SPACA9: variants seen among roughly 807,000 people sequenced by gnomAD.
SPACA9 encodes the protein sperm acrosome associated 9.
A neutral mutation model predicts 12.5 loss-of-function variants in SPACA9; 14 were observed. The ratio of observed to expected loss-of-function variants is 1.12; its 90% confidence interval spans 0.74 to 1.75. SPACA9 has a LOEUF of 1.75. Ranked by LOEUF, SPACA9 falls within the 40% of genes most tolerant of loss-of-function variation. The probability of loss-of-function intolerance (pLI) is 0.00; values close to 1 mark genes in which losing one functional copy is unlikely to be tolerated. For synonymous variants in SPACA9, 111 were observed against 114.1 expected, an observed-to-expected ratio of 0.97 and a Z score of 0.17; for missense variants, 292 against 291.9, an observed-to-expected ratio of 1.00 and a Z score of 0.00.
At chr9:132,879,851 T>C (rs58616024) in intron 1 of SPACA9, among the ~76,000 whole-genome samples, 1,985 of 152,334 alleles carry the variant, frequency 0.013, 43 homozygotes, top group African/African-American at 0.044. Context: ...CTGGTTAGAT[T>C]GGGCAGAGCC....
intron 1 of SPACA9, among the ~76,000 whole-genome samples, chr9:132,880,207 A>G (rs1417286475): frequency 6.6e-6 from 1 of 152,194 alleles, no homozygotes; most frequent in Non-Finnish European, 1.5e-5. Flanking sequence ...CTTCTTTAGC[A>G]GCCTGGAAAA....
chr9:132,889,750 G>A lies in SPACA9; in HGVS notation c.*1139G>A. The A allele has an allele frequency of 7.9e-7, 1 of 1,259,018 alleles. No individual in the cohort carries two copies. Among genetic ancestry groups the A allele is most frequent in the African/African-American group, 1.5e-5 (1 of 65,102 alleles). The allele number at this position is 1,259,018 out of a possible 1,614,324, so 78.0% of individuals were successfully genotyped here. On this transcript the variant is annotated 3_prime_UTR_variant, in exon 4 of 4. Transcript: ENST00000356311. ...AGTGTGTTTAGTTCTCTGGACCACA[G>A]CCAAAGGGGAATAAACTCACCTTTC...
chr9:132,880,017 C>G (rs1341265676), intron 1 of SPACA9, among the ~76,000 whole-genome samples: 1 of 152,204 alleles, frequency 6.6e-6, no homozygotes, highest in Non-Finnish European at 1.5e-5. Context: ...CTTGTCAAAC[C>G]CAACTGTAAA....
At position 132,889,316 on chromosome 9, in the gene SPACA9, G is replaced by A. The variant is rs1157819811; in HGVS notation, c.*705G>A. The A allele has an allele frequency of 1.7e-5, 17 of 985,522 alleles. No individual in the cohort carries two copies. Among genetic ancestry groups the A allele is most frequent in the Non-Finnish European group, 1.9e-5 (16 of 830,118 alleles). The allele number at this position is 985,522 out of a possible 1,614,324, so 61.0% of individuals were successfully genotyped here. A position where few individuals can be genotyped will look rare whatever the true frequency, so the allele number is the denominator to read the frequency against. On this transcript the variant is annotated 3_prime_UTR_variant, in exon 4 of 4. Coordinates refer to ENST00000356311, the MANE Select transcript of SPACA9 (RefSeq NM_001316897.2). ...CCATCTGCTCCTTGCCCCACCACCA[G>A]CCCCAACTGTAGGCAAGGCACACGC...
At chr9:132,885,063 A>G (rs1341873877) in intron 2 of SPACA9, among the ~76,000 whole-genome samples, 1 of 152,060 alleles carries the variant, frequency 6.6e-6, no homozygotes, top group Admixed American at 6.6e-5. Context: ...CAGTGAGCCG[A>G]TATTGCGCCA....
intron 1 of SPACA9, among the ~76,000 whole-genome samples, chr9:132,883,499 G>GGCGTGTGTGTACACGCGT (rs999110974): frequency 4.6e-5 from 7 of 152,292 alleles, no homozygotes; most frequent in African/African-American, 1.7e-4. Flanking sequence ...GGGATTGGAG[G>GGCGTGTGTGTACACGCGT]GCGTGTGTGT....
intron 1 of SPACA9, among the ~76,000 whole-genome samples, chr9:132,883,285 G>A (rs1358357403): frequency 2.6e-5 from 4 of 152,214 alleles, no homozygotes; most frequent in African/African-American, 4.8e-5. Context: ...CCTGCCCCCA[G>A]CCCAGAGCAG....
intron 2 of SPACA9, among the ~76,000 whole-genome samples, chr9:132,885,620 C>G (rs942221896): frequency 6.6e-6 from 1 of 152,118 alleles, no homozygotes; most frequent in Non-Finnish European, 1.5e-5. Flanking sequence ...GCCATATTTG[C>G]CCACGCATGC....
At position 132,888,241 on chromosome 9, in the gene SPACA9, T is replaced by C; in HGVS notation, c.348-49T>C. On this transcript the variant is annotated intron_variant, in intron 3 of 3. Coordinates refer to ENST00000356311, the MANE Select transcript of SPACA9 (RefSeq NM_001316897.2). This position sits in a 1 kb window ranked among gnomAD's most constrained non-coding sequence, Gnocchi z 5.0. ...GGTGTGGCAGCTGCTTGCCACGGCA[T>C]GGCAAGTCCCGGGAGCATGGGTTCA... The C allele has an allele frequency of 1.3e-6, 2 of 1,555,460 alleles. No individual in the cohort carries two copies. The highest frequency in any genetic ancestry group is 1.4e-5 in the African/African-American group (1 of 73,524).
At position 132,888,250 on chromosome 9, in the gene SPACA9, C is replaced by A; in HGVS notation, c.348-40C>A. On this transcript the variant is annotated intron_variant, in intron 3 of 3. Transcript: ENST00000356311. The surrounding 1 kb of genome is among the most constrained non-coding windows in gnomAD (Gnocchi z 5.0). ...GCTGCTTGCCACGGCATGGCAAGTC[C>A]CGGGAGCATGGGTTCACCTGGCCCC... 6 of 1,563,974 alleles carry A rather than the reference C, an allele frequency of 3.8e-6. No homozygotes were observed. The highest frequency in any genetic ancestry group is 5.2e-6 in the Non-Finnish European group (6 of 1,153,362).
intron 2 of SPACA9, among the ~76,000 whole-genome samples, chr9:132,885,957 G>T (rs779676989): frequency 2.0e-5 from 3 of 152,112 alleles, no homozygotes; most frequent in Non-Finnish European, 4.4e-5. Context: ...CATGGGGCAG[G>T]TTCCTCCTCC....
Position 132,889,743 on chromosome 9 carries a change from G to A in SPACA9, c.*1132G>A. 1 of 1,245,746 alleles carries A rather than the reference G, an allele frequency of 8.0e-7. No individual in the cohort carries two copies. The allele number at this position is 1,245,746 out of a possible 1,614,324, so 77.2% of individuals were successfully genotyped here. A position where few individuals can be genotyped will look rare whatever the true frequency, so the allele number is the denominator to read the frequency against. ...ACTCAGTAGTGTGTTTAGTTCTCTG[G>A]ACCACAGCCAAAGGGGAATAAACTC... On this transcript the variant is annotated 3_prime_UTR_variant, in exon 4 of 4. Transcript: ENST00000356311.
rs141999397 is a variant in SPACA9, at chr9:132,884,068, C to T, written c.121C>T (p.Arg41Trp). 132 of 1,614,090 alleles carry T rather than the reference C, an allele frequency of 8.2e-5. No homozygotes were observed. The African/African-American group carries it at 1.3e-3, about 16-fold the overall frequency. The change falls in exon 2 of 4, where the codon CGG becomes TGG. Residue 41 changes from arginine (R) to tryptophan (W), a missense_variant. By Grantham distance (101) the Arg-to-Trp change is moderately radical. Transcript: ENST00000356311. ...CAGGGAGAACGCCCACGACAAGATC[C>T]GGCCCATCTCCAGCATTGGACAGGT... ...HCRENAHDKI[R>W]PISSIGQVQS...
chr9:132,881,173 C>G (rs1434884634), intron 1 of SPACA9, among the ~76,000 whole-genome samples: 1 of 151,054 alleles, frequency 6.6e-6, no homozygotes, highest in Non-Finnish European at 1.5e-5. Flanking sequence ...TGCTTCTAAT[C>G]CCAGCACATT....
chr9:132,884,932 G>A (rs1000177188), intron 2 of SPACA9, among the ~76,000 whole-genome samples: 1 of 151,982 alleles, frequency 6.6e-6, no homozygotes, highest in Non-Finnish European at 1.5e-5. Context: ...TGACCAACAT[G>A]GTGAAACCCT....
chr9:132,879,976 C>T (rs1844350551), intron 1 of SPACA9, among the ~76,000 whole-genome samples: 1 of 152,224 alleles, frequency 6.6e-6, no homozygotes, highest in Non-Finnish European at 1.5e-5. Flanking sequence ...CCCTCCAAAC[C>T]GCTTCCTCAA....
chr9:132,881,272 GAAAAAA>G (rs776094730), intron 1 of SPACA9, among the ~76,000 whole-genome samples: 5 of 80,150 alleles, frequency 6.2e-5, no homozygotes, highest in African/African-American at 4.5e-4. Context: ...CAAAAAAAAA[GAAAAAA>G]AAAAAAGAAA....
At chr9:132,878,570 C>T (rs1165233456), upstream of SPACA9, 2 of 1,136,794 alleles carry the variant, frequency 1.8e-6, no homozygotes, top group Non-Finnish European at 2.2e-6. This position sits in a 1 kb window ranked among gnomAD's most constrained non-coding sequence, Gnocchi z 4.7. Context: ...CAAGTCGGCC[C>T]TCCGAGGGGA....
chr9:132,888,235 A>G lies in SPACA9; in HGVS notation c.348-55A>G. The G allele has an allele frequency of 6.4e-7, 1 of 1,552,170 alleles. No homozygotes were observed. The highest frequency in any genetic ancestry group is 1.9e-5 in the Admixed American group (1 of 53,318). ...GCCTGAGGTGTGGCAGCTGCTTGCC[A>G]CGGCATGGCAAGTCCCGGGAGCATG... On this transcript the variant is annotated intron_variant, in intron 3 of 3. Coordinates refer to ENST00000356311, the MANE Select transcript of SPACA9 (RefSeq NM_001316897.2). This position sits in a 1 kb window ranked among gnomAD's most constrained non-coding sequence, Gnocchi z 5.0.
Sources: allele counts gnomAD v4.1 joint callset (sites outside exome capture counted in the v4.1 genomes callset), GRCh38; gene constraint gnomAD v4.1.1; non-coding constraint Gnocchi (gnomAD v3.1); transcripts MANE v1.5; gene names NCBI Gene and HGNC (gene_info 2026-07-23, HGNC 2026-07-21).